TUSC3: variants seen among roughly 807,000 people sequenced by gnomAD.
The protein encoded by TUSC3 is tumor suppressor candidate 3.
In TUSC3, 45 loss-of-function variants were observed where a neutral mutation model predicts 44.8. The observed-to-expected ratio is 1.00, with a 90% CI of 0.79 to 1.29. The LOEUF (loss-of-function observed/expected upper bound fraction) is 1.29. TUSC3 is among the 50% of genes most tolerant of loss of function. The pLI is 0.00. For missense variants in TUSC3, 519 were observed against 437.9 expected (o/e 1.19, Z -1.65); for synonymous variants, 212 against 152.9 (o/e 1.39, Z -2.85).
chr8:15,424,751 A>G (rs892354130), intron 1 of TUSC3, among the ~76,000 whole-genome samples: 5 of 152,062 alleles, frequency 3.3e-5, no homozygotes, highest in Non-Finnish European at 5.9e-5. Flanking sequence ...GTGGTGGCAC[A>G]TGCCTGTGGG....
intron 1 of TUSC3, among the ~76,000 whole-genome samples, chr8:15,565,122 A>G (rs939259612): frequency 2.0e-5 from 3 of 151,412 alleles, no homozygotes; most frequent in Non-Finnish European, 4.4e-5. Context: ...GCTAAAGTCA[A>G]GGTGTCTGCA....
the TUSC3 span, among the ~76,000 whole-genome samples, chr8:15,799,614 A>G: frequency 6.6e-6 from 1 of 152,202 alleles, no homozygotes; most frequent in East Asian, 1.9e-4. Flanking sequence ...TAACCATACA[A>G]TTTGGTCAAC....
chr8:15,540,810 T>G (rs1281502771), intron 1 of TUSC3, among the ~76,000 whole-genome samples: 2 of 152,150 alleles, frequency 1.3e-5, no homozygotes, highest in Non-Finnish European at 2.9e-5. Context: ...ACCTCACACC[T>G]TTCAGACCCA....
In TUSC3 at chr8:15,659,656, T is replaced by G. The variant is rs1266321598; in HGVS notation, c.567+9T>G. The G allele has an allele frequency of 1.2e-6, 2 of 1,611,810 alleles. No individual in the cohort carries two copies. Among genetic ancestry groups the G allele is most frequent in the Non-Finnish European group, 1.7e-6 (2 of 1,179,350 alleles). The stretch of plus-strand genomic sequence containing the variant: ...ACAGAACGGATGTTCATGTATGTTT[T>G]TATTCCTCACAGTTTTAATAATAGG... On this transcript the variant is annotated intron_variant, in intron 4 of 10. Transcript: ENST00000503731.
intron 1 of TUSC3, among the ~76,000 whole-genome samples, chr8:15,473,068 A>T (rs1288799347): frequency 6.6e-6 from 1 of 152,206 alleles, no homozygotes; most frequent in Non-Finnish European, 1.5e-5. Context: ...TGGATGGAAA[A>T]TATCTCAACT....
intron 2 of TUSC3, among the ~76,000 whole-genome samples, chr8:15,485,781 G>C (rs1800725727): frequency 6.7e-6 from 1 of 149,126 alleles, no homozygotes; most frequent in Non-Finnish European, 1.5e-5. Context: ...ATATGAGTTT[G>C]AGTTTTTTGT....
intron 6 of TUSC3, among the ~76,000 whole-genome samples, chr8:15,709,156 G>A (rs570414032): frequency 1.6e-4 from 25 of 151,942 alleles, no homozygotes; most frequent in South Asian, 1.0e-3. Context: ...GTTTGGGAAG[G>A]TATACTGCAT....
intron 7 of TUSC3, among the ~76,000 whole-genome samples, chr8:15,736,860 G>C (rs546005569): frequency 7.2e-5 from 11 of 152,220 alleles, no homozygotes; most frequent in East Asian, 1.9e-4. Flanking sequence ...TGGTCTCTCT[G>C]TATGAGTGGA....
intron 1 of TUSC3, among the ~76,000 whole-genome samples, chr8:15,598,691 C>G (rs1210491192): frequency 6.6e-6 from 1 of 151,712 alleles, no homozygotes; most frequent in Non-Finnish European, 1.5e-5. Context: ...TGGAATCATA[C>G]AGTATATAGC....
At chr8:15,684,367 G>A (rs1383159578) in intron 6 of TUSC3, among the ~76,000 whole-genome samples, 3 of 152,240 alleles carry the variant, frequency 2.0e-5, no homozygotes, top group East Asian at 3.9e-4. Context: ...AGTAGAGGAA[G>A]GGCAGAGGAT....
intron 9 of TUSC3, among the ~76,000 whole-genome samples, chr8:15,753,048 T>TG (rs1811772079): frequency 6.6e-6 from 1 of 152,102 alleles, no homozygotes; most frequent in African/African-American, 2.4e-5. Context: ...TTAAGTAATT[T>TG]TTATATCTTA....
At chr8:15,720,197 T>TAC (rs1239480224) in intron 6 of TUSC3, among the ~76,000 whole-genome samples, 1,083 of 105,304 alleles carry the variant, frequency 0.01, 11 homozygotes, top group African/African-American at 0.036. Context: ...AGTGTATATA[T>TAC]ATATACACAC....
At chr8:15,817,303 G>C in the TUSC3 span, among the ~76,000 whole-genome samples, 1 of 151,076 alleles carries the variant, frequency 6.6e-6, no homozygotes, top group Non-Finnish European at 1.5e-5. Flanking sequence ...CACCACCTTA[G>C]AACTTTGATT....
intron 7 of TUSC3, among the ~76,000 whole-genome samples, chr8:15,737,873 T>G (rs560535582): frequency 6.6e-6 from 1 of 152,294 alleles, no homozygotes; most frequent in Admixed American, 6.5e-5. Context: ...TTAAGATTTT[T>G]ATGTTACAAA....
intron 1 of TUSC3, among the ~76,000 whole-genome samples, chr8:15,593,050 A>C (rs1803918694): frequency 1.3e-5 from 2 of 152,150 alleles, no homozygotes; most frequent in Non-Finnish European, 2.9e-5. Flanking sequence ...GATAATATTT[A>C]ACATAAACTC....
chr8:15,690,018 G>A (rs1355911999), intron 6 of TUSC3, among the ~76,000 whole-genome samples: 1 of 151,748 alleles, frequency 6.6e-6, no homozygotes, highest in African/African-American at 2.4e-5. Context: ...TATTTTTTGG[G>A]GTGTATACAC....
intron 4 of TUSC3, among the ~76,000 whole-genome samples, chr8:15,660,640 C>G (rs1280734385): frequency 6.6e-6 from 1 of 151,628 alleles, no homozygotes; most frequent in Non-Finnish European, 1.5e-5. Flanking sequence ...TGGTAATTGC[C>G]CACATGGTAC....
At chr8:15,602,427 T>G (rs986634959) in intron 1 of TUSC3, among the ~76,000 whole-genome samples, 3 of 151,566 alleles carry the variant, frequency 2.0e-5, no homozygotes, top group African/African-American at 7.3e-5. Flanking sequence ...ATCAAATGGG[T>G]TGTACTTTTT....
the TUSC3 span, among the ~76,000 whole-genome samples, chr8:15,836,755 A>T: frequency 6.6e-6 from 1 of 152,146 alleles, no homozygotes; most frequent in African/African-American, 2.4e-5. Flanking sequence ...TGTCACATAT[A>T]CTTTCACCTC....
Sources: allele counts gnomAD v4.1 joint callset (sites outside exome capture counted in the v4.1 genomes callset), GRCh38; gene constraint gnomAD v4.1.1; transcripts MANE v1.5; gene names NCBI Gene and HGNC (gene_info 2026-07-23, HGNC 2026-07-21).